The following SCUBE1 variants were observed in gnomAD, a reference collection of about 807,000 sequenced individuals.
SCUBE1 encodes signal peptide, CUB and EGF-like domain-containing protein 1.
A neutral mutation model predicts 124.4 loss-of-function variants in SCUBE1; 59 were observed. That is an observed-to-expected ratio of 0.47 (90% CI 0.38 to 0.59). SCUBE1 has a LOEUF of 0.59. Ranked by LOEUF, SCUBE1 falls within the 20% of genes least tolerant of loss-of-function variation. The pLI, the probability that SCUBE1 is intolerant of heterozygous loss-of-function variation, is 0.00. For synonymous variants in SCUBE1, 545 were observed against 550.9 expected, an observed-to-expected ratio of 0.99 and a Z score of 0.15; for missense variants, 1,150 against 1,371.2, an observed-to-expected ratio of 0.84 and a Z score of 2.55.
At chr22:43,230,318 A>C (rs1421003899) in intron 8 of SCUBE1, among the ~76,000 whole-genome samples, 1 of 152,124 alleles carries the variant, frequency 6.6e-6, no homozygotes, top group East Asian at 1.9e-4. Context: ...TGTGGAGCCC[A>C]AGGGGGACTG....
intron 6 of SCUBE1, among the ~76,000 whole-genome samples, chr22:43,245,550 C>A (rs34579527): frequency 0.085 from 12,873 of 152,212 alleles, 594 homozygotes; most frequent in Admixed American, 0.16. Flanking sequence ...GGACAGGACA[C>A]CCCGGCAGGC....
chr22:43,292,087 G>C (rs565435724), intron 3 of SCUBE1, among the ~76,000 whole-genome samples: 2 of 152,164 alleles, frequency 1.3e-5, no homozygotes, highest in Non-Finnish European at 2.9e-5. Flanking sequence ...TCTTGACTCA[G>C]CTCAGGTTTA....
At chr22:43,243,732 C>T (rs1923096764) in intron 6 of SCUBE1, among the ~76,000 whole-genome samples, 1 of 152,222 alleles carries the variant, frequency 6.6e-6, no homozygotes, top group South Asian at 2.1e-4. Context: ...CTTGGCTTCT[C>T]AAAGTCAGCT....
At chr22:43,280,500 T>A (rs1335515036) in intron 4 of SCUBE1, among the ~76,000 whole-genome samples, 1 of 63,154 alleles carries the variant, frequency 1.6e-5, no homozygotes, top group Non-Finnish European at 2.8e-5. Context: ...TCCCCGTCCC[T>A]TCCCCTCACC....
intron 2 of SCUBE1, among the ~76,000 whole-genome samples, chr22:43,321,173 G>A (rs1485960469): frequency 6.6e-6 from 1 of 152,216 alleles, no homozygotes; most frequent in African/African-American, 2.4e-5. Context: ...GTAGGAAGCC[G>A]GGGTCACTCC....
chr22:43,216,867 ACCCCCCG>A (rs1921837429), intron 15 of SCUBE1, among the ~76,000 whole-genome samples: 1 of 27,414 alleles, frequency 3.6e-5, no homozygotes, highest in African/African-American at 1.7e-4. Flanking sequence ...CCCCCCACCC[ACCCCCCG>A]CCAGGTGTCA....
At chr22:43,238,697 G>A (rs1254235401) in intron 7 of SCUBE1, 141 bp downstream of exon 7, 1 of 765,522 alleles carries the variant, frequency 1.3e-6, no homozygotes, top group Non-Finnish European at 2.4e-6. Flanking sequence ...CAACAGCAAA[G>A]CAAATGATTG....
chr22:43,343,184 G>C lies in SCUBE1; in HGVS notation c.78C>G (p.Ser26Arg). The change falls in exon 1 of 22, where the codon AGC (serine) becomes AGG (arginine). Residue 26 changes from serine to arginine, a missense_variant. By Grantham distance (110) the Ser-to-Arg change is moderately radical (BLOSUM62 -1). Coordinates refer to ENST00000360835, the MANE Select transcript of SCUBE1 (RefSeq NM_173050.5). ...LGTRGRLAGGSGLPGSVDVDE... is the reference protein window; with the variant it reads ...LGTRGRLAGGRGLPGSVDVDE... ...CGGTCGGGGGCTTACCTGGGAGCCC[G>C]CTGCCCCCGGCCAGCCGCCCGCGTG... The C allele has an allele frequency of 8.5e-7, 1 of 1,180,540 alleles. No homozygotes were observed. The highest frequency in any genetic ancestry group is 3.2e-5 in the South Asian group (1 of 31,312). The allele number at this position is 1,180,540 out of a possible 1,614,324, so 73.1% of individuals were successfully genotyped here.
At chr22:43,219,619 GCC>G (rs1921998825) in intron 14 of SCUBE1, among the ~76,000 whole-genome samples, 4 of 151,734 alleles carry the variant, frequency 2.6e-5, no homozygotes, top group Admixed American at 6.6e-5. Flanking sequence ...GATTACAGGT[GCC>G]TGCCACCACA....
intron 2 of SCUBE1, among the ~76,000 whole-genome samples, chr22:43,325,303 C>T (rs565453393): frequency 3.3e-5 from 5 of 152,150 alleles, no homozygotes; most frequent in East Asian, 1.9e-4. Context: ...CCTAGCCAGG[C>T]GTGGTGGCGC....
intron 3 of SCUBE1, among the ~76,000 whole-genome samples, chr22:43,317,847 T>C (rs910798770): frequency 2.0e-5 from 3 of 152,276 alleles, no homozygotes; most frequent in Admixed American, 6.5e-5. Flanking sequence ...TAAGATGAGA[T>C]TGTTAGGGTG....
chr22:43,322,221 G>C (rs1393190515), intron 2 of SCUBE1, among the ~76,000 whole-genome samples: 3 of 152,112 alleles, frequency 2.0e-5, no homozygotes, highest in Non-Finnish European at 4.4e-5. Context: ...CTGACCTCGT[G>C]ATCCGCCCAC....
At chr22:43,214,046 C>CA in intron 16 of SCUBE1, 44 bp downstream of exon 16, 2 of 422,702 alleles carry the variant, frequency 4.7e-6, no homozygotes, top group South Asian at 2.4e-5. Flanking sequence ...GAGGAGCCCC[C>CA]GCCCACCCCC....
chr22:43,296,708 G>A (rs1925574015), intron 3 of SCUBE1, among the ~76,000 whole-genome samples: 2 of 152,196 alleles, frequency 1.3e-5, no homozygotes, highest in South Asian at 2.1e-4. Context: ...CTCTTTTGAT[G>A]TACAACTGTA....
At chr22:43,301,921 C>T (rs958198785) in intron 3 of SCUBE1, among the ~76,000 whole-genome samples, 2 of 152,226 alleles carry the variant, frequency 1.3e-5, no homozygotes, top group South Asian at 2.1e-4. Context: ...AGCTGCATGG[C>T]CTTCGCTGCC....
chr22:43,278,444 T>G (rs976106448), intron 4 of SCUBE1, among the ~76,000 whole-genome samples: 4 of 152,006 alleles, frequency 2.6e-5, no homozygotes, highest in African/African-American at 9.7e-5. Flanking sequence ...CACTCACAGT[T>G]GATAATGGAA....
intron 2 of SCUBE1, among the ~76,000 whole-genome samples, chr22:43,324,288 C>T (rs1200042231): frequency 1.3e-5 from 2 of 152,188 alleles, no homozygotes; most frequent in Admixed American, 1.3e-4. Context: ...CCATTTCCTG[C>T]CTTTGACTCC....
intron 3 of SCUBE1, among the ~76,000 whole-genome samples, chr22:43,315,823 T>C (rs1338038091): frequency 1.3e-5 from 2 of 152,164 alleles, no homozygotes; most frequent in African/African-American, 2.4e-5. Context: ...GTGAAAACAA[T>C]GTTGTTGAGA....
intron 3 of SCUBE1, among the ~76,000 whole-genome samples, chr22:43,291,525 A>G (rs1925358649): frequency 6.6e-6 from 1 of 151,928 alleles, no homozygotes; most frequent in South Asian, 2.1e-4. Flanking sequence ...ACAGTGGTAC[A>G]GTGGGCCCCC....
Sources: allele counts gnomAD v4.1 joint callset (sites outside exome capture counted in the v4.1 genomes callset), GRCh38; gene constraint gnomAD v4.1.1; transcripts MANE v1.5; gene names NCBI Gene and HGNC (gene_info 2026-07-23, HGNC 2026-07-21).